The following SYNJ2 variants were observed in gnomAD, a reference collection of about 807,000 sequenced individuals.
SYNJ2 encodes the protein polyphosphatidylinositol phosphatase SYNJ2.
SYNJ2 carries 116 observed loss-of-function variants against 141.3 expected under a neutral mutation model. The observed-to-expected ratio is 0.82, with a 90% CI of 0.71 to 0.96. The LOEUF is 0.96. Among genes scored for constraint, SYNJ2 ranks in the 40% least tolerant of loss-of-function variants. The probability of loss-of-function intolerance (pLI) is 0.00; values close to 1 mark genes in which losing one functional copy is unlikely to be tolerated. For synonymous variants in SYNJ2, 745 were observed against 777.7 expected (o/e 0.96, Z 0.70); for missense variants, 1,873 against 1,934.8 (o/e 0.97, Z 0.60).
intron 1 of SYNJ2, among the ~76,000 whole-genome samples, chr6:157,984,630 C>T (rs536505888): frequency 6.6e-6 from 1 of 152,314 alleles, no homozygotes; most frequent in South Asian, 2.1e-4. Flanking sequence ...TTTCTAACTC[C>T]TGACCTTAGG....
At position 158,096,416 on chromosome 6, in the gene SYNJ2, T is replaced by G; in HGVS notation, c.*52T>G. 1 of 1,515,266 alleles carries G rather than the reference T, an allele frequency of 6.6e-7. No homozygotes were observed. The highest frequency in any genetic ancestry group is 2.3e-5 in the East Asian group (1 of 44,120). The allele number at this position is 1,515,266 out of a possible 1,614,324, so 93.9% of individuals were successfully genotyped here. On this transcript the variant is annotated 3_prime_UTR_variant, in exon 27 of 27. Transcript: ENST00000355585. Reference sequence around the variant, plus strand: ...TATAGAATGCATACCTTCCTCCCTCTAGACATCCCTCCACCAGAAGAGACA... The same window carrying G: ...TATAGAATGCATACCTTCCTCCCTCGAGACATCCCTCCACCAGAAGAGACA...
At chr6:158,076,392 G>A (rs1044227279) in intron 16 of SYNJ2, among the ~76,000 whole-genome samples, 2 of 151,858 alleles carry the variant, frequency 1.3e-5, no homozygotes, top group Admixed American at 6.5e-5. Flanking sequence ...ATCAGACACT[G>A]GAGTGGGTGG....
At chr6:157,985,013 G>A (rs978961699) in intron 1 of SYNJ2, among the ~76,000 whole-genome samples, 5 of 152,186 alleles carry the variant, frequency 3.3e-5, no homozygotes, top group African/African-American at 7.2e-5. Flanking sequence ...TCCTAGGGGC[G>A]AGAGGAGATG....
chr6:158,080,986 C>T lies in SYNJ2; in HGVS notation c.2568-123C>T, dbSNP rs1023787642. On this transcript the variant is annotated intron_variant, in intron 18 of 26. Transcript: ENST00000355585. Reference sequence around the variant, plus strand: ...ACTGTTTACAAAGAGCCCTGGGGGACAGCAGCTGGGGACTGGGGGCTGGAG... The same window carrying T: ...ACTGTTTACAAAGAGCCCTGGGGGATAGCAGCTGGGGACTGGGGGCTGGAG... 3 of 867,472 alleles carry T rather than the reference C, an allele frequency of 3.5e-6. No individual in the cohort carries two copies. The African/African-American group carries it at 5.0e-5, about 14-fold the overall frequency. The allele number at this position is 867,472 out of a possible 1,614,324, so 53.7% of individuals were successfully genotyped here.
intron 4 of SYNJ2, among the ~76,000 whole-genome samples, chr6:158,037,547 G>A (rs189060950): frequency 0.011 from 1,703 of 151,728 alleles, 31 homozygotes; most frequent in African/African-American, 0.039. Context: ...GACTACAGGC[G>A]CCCGCCACCA....
chr6:158,033,363 G>GC (rs1562341523), intron 3 of SYNJ2, 92 bp from the exon 4 acceptor site: 3 of 1,384,274 alleles, frequency 2.2e-6, no homozygotes, highest in Non-Finnish European at 3.0e-6. Flanking sequence ...TGCACCGTGC[G>GC]CCCCCCAGTT....
intron 1 of SYNJ2, among the ~76,000 whole-genome samples, chr6:158,005,228 C>T (rs916803735): frequency 1.3e-4 from 20 of 152,106 alleles, no homozygotes; most frequent in African/African-American, 4.8e-4. Flanking sequence ...CAGGTGCCCG[C>T]AACGACGCCC....
At chr6:158,020,935 A>G (rs1778735938) in intron 2 of SYNJ2, among the ~76,000 whole-genome samples, 1 of 152,246 alleles carries the variant, frequency 6.6e-6, no homozygotes, top group African/African-American at 2.4e-5. Flanking sequence ...GCCTTTTTCC[A>G]GGTTCCAAGG....
intron 3 of SYNJ2, among the ~76,000 whole-genome samples, chr6:158,030,226 G>A (rs1332353447): frequency 6.6e-6 from 1 of 152,234 alleles, no homozygotes. Flanking sequence ...GATGCCTAGA[G>A]ATGCCAGGTA....
chr6:157,985,598 T>C (rs1777169567), intron 1 of SYNJ2, among the ~76,000 whole-genome samples: 1 of 152,250 alleles, frequency 6.6e-6, no homozygotes, highest in Admixed American at 6.5e-5. Context: ...GACAAAAACC[T>C]ACTCCTGTCT....
chr6:158,073,634 T>C (rs1782079270), intron 15 of SYNJ2, among the ~76,000 whole-genome samples: 1 of 152,236 alleles, frequency 6.6e-6, no homozygotes, highest in Non-Finnish European at 1.5e-5. Context: ...AGTATCCATG[T>C]GGCCAGTGGC....
intron 1 of SYNJ2, among the ~76,000 whole-genome samples, chr6:158,008,872 C>A (rs1778163802): frequency 6.6e-6 from 1 of 152,150 alleles, no homozygotes; most frequent in South Asian, 2.1e-4. Flanking sequence ...ATCCCCAGAC[C>A]CCTGCAGTGG....
At chr6:158,060,470 T>G (rs1224961025) in intron 7 of SYNJ2, among the ~76,000 whole-genome samples, 1 of 152,154 alleles carries the variant, frequency 6.6e-6, no homozygotes, top group African/African-American at 2.4e-5. Flanking sequence ...CTCAAAGATA[T>G]CCCTTACAGA....
At chr6:157,990,041 G>A (rs1220851460) in intron 1 of SYNJ2, among the ~76,000 whole-genome samples, 1 of 152,248 alleles carries the variant, frequency 6.6e-6, no homozygotes, top group East Asian at 1.9e-4. Flanking sequence ...GCCAGGTCCT[G>A]TGGGCTGCGC....
At position 158,092,970 on chromosome 6, in the gene SYNJ2, G is replaced by A; in HGVS notation, c.3610G>A (p.Glu1204Lys). The change falls in exon 26 of 27, where the codon GAA becomes AAA. Residue 1204 changes from glutamate to lysine, a missense_variant. Physicochemically the swap from Glu to Lys is moderately conservative, Grantham distance 56. Coordinates refer to ENST00000355585, the MANE Select transcript of SYNJ2 (RefSeq NM_003898.4). The part of the protein sequence containing the change: ...ALSAVAPRDL[E>K]ASSEPEPTPG... ...AAGTGCCGTGGCCCCAAGGGACCTTGAAGCATCCTCTGAACCAGAGCCCAC... is the reference window on the plus strand; with the variant it reads ...AAGTGCCGTGGCCCCAAGGGACCTTAAAGCATCCTCTGAACCAGAGCCCAC... The A allele has an allele frequency of 6.2e-7, 1 of 1,611,088 alleles. No individual in the cohort carries two copies. The highest frequency in any genetic ancestry group is 1.1e-5 in the South Asian group (1 of 90,914).
Position 158,078,195 on chromosome 6 carries a change from A to G in SYNJ2, c.2481A>G (p.Leu827=), listed in dbSNP as rs1283380508. The G allele has an allele frequency of 6.2e-7, 1 of 1,613,790 alleles. No homozygotes were observed. The highest frequency in any genetic ancestry group is 1.3e-5 in the African/African-American group (1 of 74,904). ...AGELNLLDSD[L]DVDTKVRHTW... ...AACTCAACCTTCTAGACAGTGATCT[A>G]GATGTTGACACCAAAGTCAGACACA... Residue 827 remains leucine, a synonymous_variant, in exon 18 of 27, where the codon CTA becomes CTG. Transcript: ENST00000355585.
chr6:158,033,725 C>G (rs1299165352), intron 4 of SYNJ2, 45 bp downstream of exon 4: 1 of 1,566,462 alleles, frequency 6.4e-7, no homozygotes, highest in South Asian at 1.1e-5. Context: ...TTCCGAGTGG[C>G]TGCAGCTCTT....
At chr6:158,059,209 G>C (rs1781050278) in intron 6 of SYNJ2, 48 bp from the exon 7 acceptor site, 2 of 1,493,958 alleles carry the variant, frequency 1.3e-6, no homozygotes, top group Admixed American at 2.1e-5. Flanking sequence ...GGCAGAGTCT[G>C]CACCTGTGCC....
At chr6:158,044,244 G>A (rs560981511) in intron 5 of SYNJ2, among the ~76,000 whole-genome samples, 12 of 152,194 alleles carry the variant, frequency 7.9e-5, no homozygotes, top group Non-Finnish European at 1.6e-4. Context: ...AGGTTCCAGG[G>A]GGTGTTTGAC....
Sources: gnomAD v4.1 joint callset for allele counts (sites outside exome capture counted in the v4.1 genomes callset) on GRCh38, gnomAD v4.1.1 for gene constraint, MANE v1.5 for transcripts, NCBI Gene and HGNC (gene_info 2026-07-23, HGNC 2026-07-21) for gene names.